The following FMN2 variants were observed in gnomAD, a reference collection of about 807,000 sequenced individuals.
The protein encoded by FMN2 is formin 2.
Under a neutral mutation model 142.3 loss-of-function variants are expected in FMN2, and 51 were observed. That is an observed-to-expected ratio of 0.36 (90% CI 0.29 to 0.45). The LOEUF is 0.45. FMN2 is among the 20% of genes least tolerant of loss of function. The pLI is 1.00. For missense variants in FMN2, 1,936 were observed against 2,122.8 expected, an observed-to-expected ratio of 0.91 and a Z score of 1.73; for synonymous variants, 882 against 869.8, an observed-to-expected ratio of 1.01 and a Z score of -0.25.
chr1:240,302,122 T>G (rs1423041307), intron 8 of FMN2, among the ~76,000 whole-genome samples: 1 of 152,070 alleles, frequency 6.6e-6, no homozygotes, highest in African/African-American at 2.4e-5. Flanking sequence ...TTTGCTGTCT[T>G]TATTCTTTTA....
intron 1 of FMN2, among the ~76,000 whole-genome samples, chr1:240,115,026 G>A (rs1661968751): frequency 6.6e-6 from 1 of 152,124 alleles, no homozygotes; most frequent in Non-Finnish European, 1.5e-5. Flanking sequence ...ACTAGGTATG[G>A]TTGTTACCCT....
chr1:240,410,463 G>T (rs1438519045), intron 15 of FMN2, among the ~76,000 whole-genome samples: 1 of 152,208 alleles, frequency 6.6e-6, no homozygotes, highest in African/African-American at 2.4e-5. Context: ...ATAAGGTTCT[G>T]CTAGAAGTAA....
intron 4 of FMN2, among the ~76,000 whole-genome samples, chr1:240,202,406 C>T (rs1290936764): frequency 6.6e-6 from 1 of 152,116 alleles, no homozygotes; most frequent in African/African-American, 2.4e-5. Flanking sequence ...ACTAGCTGGC[C>T]TGTGATGTGG....
chr1:240,370,468 G>A (rs1672826044), intron 14 of FMN2, among the ~76,000 whole-genome samples: 2 of 151,962 alleles, frequency 1.3e-5, no homozygotes, highest in African/African-American at 2.4e-5. Flanking sequence ...GTTTTCAAAA[G>A]CAAAAGATTA....
chr1:240,205,776 A>G (rs1434448713), intron 4 of FMN2, among the ~76,000 whole-genome samples: 1 of 145,628 alleles, frequency 6.9e-6, no homozygotes, highest in Non-Finnish European at 1.5e-5. Flanking sequence ...CCTTCTTTCT[A>G]CTCAAAACGT....
At chr1:240,450,753 A>G (rs1676008432) in intron 16 of FMN2, among the ~76,000 whole-genome samples, 1 of 152,168 alleles carries the variant, frequency 6.6e-6, no homozygotes. Flanking sequence ...TTCTTCTTTG[A>G]ATGATTTAAA....
At chr1:240,167,635 G>A (rs766647660) in intron 2 of FMN2, among the ~76,000 whole-genome samples, 1 of 152,168 alleles carries the variant, frequency 6.6e-6, no homozygotes, top group Non-Finnish European at 1.5e-5. Context: ...ATGTAGAGCT[G>A]TTTTAATGGC....
At chr1:240,310,495 G>A (rs1209519816) in intron 8 of FMN2, among the ~76,000 whole-genome samples, 4 of 152,138 alleles carry the variant, frequency 2.6e-5, no homozygotes, top group South Asian at 2.1e-4. Context: ...ACAATCCTGA[G>A]GACTCAATTC....
chr1:240,299,682 A>T (rs966614500), intron 8 of FMN2, among the ~76,000 whole-genome samples: 1 of 152,034 alleles, frequency 6.6e-6, no homozygotes. Context: ...GAGCCCCTGG[A>T]ATTGCTAAGG....
chr1:240,210,888 A>G (rs1666665028), intron 5 of FMN2, among the ~76,000 whole-genome samples: 1 of 152,160 alleles, frequency 6.6e-6, no homozygotes, highest in Non-Finnish European at 1.5e-5. Flanking sequence ...TCATTCATGG[A>G]TGGTATTTCA....
intron 14 of FMN2, among the ~76,000 whole-genome samples, chr1:240,379,310 C>A (rs1263349287): frequency 6.6e-6 from 1 of 152,034 alleles, no homozygotes; most frequent in Non-Finnish European, 1.5e-5. Context: ...CCTGTAAAAG[C>A]TTTGGGAATT....
At chr1:240,418,201 A>T (rs949116655) in intron 15 of FMN2, among the ~76,000 whole-genome samples, 10 of 138,168 alleles carry the variant, frequency 7.2e-5, no homozygotes, top group African/African-American at 1.1e-4. Flanking sequence ...ATTTATTATG[A>T]TTTTTTTTTT....
chr1:240,124,924 C>A (rs777193782), intron 2 of FMN2, among the ~76,000 whole-genome samples: 1 of 152,116 alleles, frequency 6.6e-6, no homozygotes, highest in Non-Finnish European at 1.5e-5. Flanking sequence ...CCCCGGCCTC[C>A]CAAAGTGCTG....
At chr1:240,383,516 G>A (rs1216240210) in intron 14 of FMN2, among the ~76,000 whole-genome samples, 1 of 152,178 alleles carries the variant, frequency 6.6e-6, no homozygotes, top group Non-Finnish European at 1.5e-5. Context: ...AGTCATCAGT[G>A]AAATGCAAAT....
rs754768476 is a variant in FMN2 at position 240,092,389 on chromosome 1, C to G, written c.280C>G (p.Arg94Gly). 3 of 1,612,440 alleles carry G rather than the reference C, an allele frequency of 1.9e-6. No individual in the cohort carries two copies. The highest frequency in any genetic ancestry group is 2.5e-6 in the Non-Finnish European group (3 of 1,179,538). ...LSKGKGAGGS[R>G]EDVLDSQALQ... Reference sequence around the variant, plus strand: ...CAAGGGGAAAGGCGCCGGCGGCTCCCGCGAAGATGTACTGGATTCCCAGGC... The same window carrying G: ...CAAGGGGAAAGGCGCCGGCGGCTCCGGCGAAGATGTACTGGATTCCCAGGC... The change falls in exon 1 of 18, where the codon CGC becomes GGC. Residue 94 changes from arginine (R) to glycine (G), a missense_variant. This residue lies in a region of FMN2 where 751 missense variants were observed against 791.8 expected (regional missense o/e 0.95). Transcript: ENST00000319653.
At chr1:240,106,260 T>C (rs1415220892) in intron 1 of FMN2, among the ~76,000 whole-genome samples, 4 of 152,154 alleles carry the variant, frequency 2.6e-5, no homozygotes, top group African/African-American at 9.7e-5. Flanking sequence ...AATTAAATGA[T>C]GCTTTCTCCC....
At position 240,420,461 on chromosome 1, in the gene FMN2, T is replaced by C. The variant is rs183773821; in HGVS notation, c.4911-17600T>C. ...CTTCCATATATGATCTCTTACCCCT[T>C]TTCAGGCCTAGCACTTCCCTAGCTG... On this transcript the variant is annotated intron_variant, in intron 15 of 17. Transcript: ENST00000319653. Among the ~76,000 whole-genome samples, 134 of 152,294 alleles carry C rather than the reference T, an allele frequency of 8.8e-4. 1 individual carries two copies. Among genetic ancestry groups the C allele is most frequent in the African/African-American group, 3.1e-3 (130 of 41,564 alleles).
intron 7 of FMN2, among the ~76,000 whole-genome samples, chr1:240,289,161 C>A (rs1669690499): frequency 6.6e-6 from 1 of 152,098 alleles, no homozygotes; most frequent in South Asian, 2.1e-4. Context: ...GCAGGTCACA[C>A]AGGAAAGATT....
intron 8 of FMN2, among the ~76,000 whole-genome samples, chr1:240,303,287 C>T (rs1029490069): frequency 3.3e-5 from 5 of 152,132 alleles, no homozygotes; most frequent in Non-Finnish European, 5.9e-5. Flanking sequence ...GAGTTATGGT[C>T]TAGTGTCCTG....
Sources: allele counts gnomAD v4.1 joint callset (sites outside exome capture counted in the v4.1 genomes callset), GRCh38; gene constraint gnomAD v4.1.1; regional missense constraint gnomAD v4.1.1; transcripts MANE v1.5; gene names NCBI Gene and HGNC (gene_info 2026-07-23, HGNC 2026-07-21).